Variants in ACACB observed in about 807,000 individuals in gnomAD.
ACACB encodes the protein acetyl-CoA carboxylase 2.
A neutral mutation model predicts 278.8 loss-of-function variants in ACACB; 209 were observed. That is an observed-to-expected ratio of 0.75 (90% CI 0.67 to 0.84). The LOEUF is 0.84. ACACB is among the 40% of genes least tolerant of loss of function. The pLI, the probability that ACACB is intolerant of heterozygous loss-of-function variation, is 0.00. For synonymous variants in ACACB, 1,174 were observed against 1,285.6 expected (o/e 0.91, Z 1.86); for missense variants, 2,850 against 3,269.0 (o/e 0.87, Z 3.13).
chr12:109,164,716 A>ATT (rs1565878406), intron 2 of ACACB, among the ~76,000 whole-genome samples: 25 of 97,182 alleles, frequency 2.6e-4, no homozygotes, highest in African/African-American at 7.9e-4. Context: ...AGCTAATTTA[A>ATT]ATTTTTTTTT....
intron 4 of ACACB, among the ~76,000 whole-genome samples, chr12:109,170,077 T>C (rs1252258121): frequency 6.6e-6 from 1 of 152,080 alleles, no homozygotes. Context: ...GTTCTCTGAC[T>C]TTGGCCTCAT....
Position 109,137,813 on chromosome 12 carries a change from G to C in ACACB, c.-9-1584G>C, listed in dbSNP as rs772646673. 2.4e-4 allele frequency among the ~76,000 whole-genome samples: 37 copies of C among 151,898 alleles called. 1 individual carries two copies. The highest frequency in any genetic ancestry group is 1.7e-3 in the Admixed American group (26 of 15,242). ...ATTTAAAAATTTTTTTTGAAATAGGGTCTCACTCTGTTGTCCAGGCTGGAG... is the reference window on the plus strand; with the variant it reads ...ATTTAAAAATTTTTTTTGAAATAGGCTCTCACTCTGTTGTCCAGGCTGGAG... On this transcript the variant is annotated intron_variant, in intron 1 of 52. Transcript: ENST00000338432.
rs753987065 is a variant in ACACB, at chr12:109,139,414, G to T, written c.9G>T (p.Leu3Phe). The change falls in exon 2 of 53, where the codon TTG becomes TTT. Residue 3 changes from leucine (L) to phenylalanine (F), a missense_variant. By Grantham distance (22) the Leu-to-Phe change is conservative. Coordinates refer to ENST00000338432, the MANE Select transcript of ACACB (RefSeq NM_001093.4). MV[L>F]LLCLSCLIFS... is the part of the protein sequence containing the mutation. ...CCTTACAGATTTTCTGAATGGTCTT[G>T]CTTCTTTGTCTATCTTGTCTGATTT... The T allele has an allele frequency of 2.5e-6, 4 of 1,612,158 alleles. No homozygotes were observed. The highest frequency in any genetic ancestry group is 3.4e-6 in the Non-Finnish European group (4 of 1,179,004).
intron 52 of ACACB, 60 bp downstream of exon 52, chr12:109,265,585 C>T: frequency 6.3e-7 from 1 of 1,578,044 alleles, no homozygotes; most frequent in Non-Finnish European, 8.6e-7. Context: ...CTGGATTGAC[C>T]CCTAGCTACC....
At chr12:109,242,248 T>G (rs2046820088) in intron 36 of ACACB, 189 bp from the exon 37 acceptor site, 2 of 585,966 alleles carry the variant, frequency 3.4e-6, no homozygotes, top group Admixed American at 3.1e-5. Context: ...GCCCCTGTTG[T>G]CCCTTCTTGT....
At chr12:109,244,365 T>G (rs954848685) in intron 37 of ACACB, among the ~76,000 whole-genome samples, 3 of 152,154 alleles carry the variant, frequency 2.0e-5, no homozygotes, top group African/African-American at 7.2e-5. Flanking sequence ...CCTTCACCTC[T>G]CTGGGCCTCA....
chr12:109,249,497 T>G (rs1011503073), intron 40 of ACACB: 1 of 152,210 alleles, frequency 6.6e-6, no homozygotes, highest in African/African-American at 2.4e-5. Context: ...TGTGATGATT[T>G]ATTTATTTAT....
At chr12:109,252,306 A>G (rs573988310) in intron 42 of ACACB, 150 bp downstream of exon 42, 45 of 538,200 alleles carry the variant, frequency 8.4e-5, no homozygotes, top group Middle Eastern at 3.6e-4. Context: ...ATTTGCAGCT[A>G]TCTGGGTCCT....
chr12:109,258,428 G>A, intron 46 of ACACB, 64 bp downstream of exon 46: 1 of 1,397,816 alleles, frequency 7.2e-7, no homozygotes, highest in South Asian at 1.2e-5. Flanking sequence ...TGGGTCCTGG[G>A]CGTGGGGGTC....
chr12:109,132,531 A>T (rs1202447975), intron 1 of ACACB, among the ~76,000 whole-genome samples: 1 of 152,158 alleles, frequency 6.6e-6, no homozygotes, highest in East Asian at 1.9e-4. Context: ...AAGACACTCC[A>T]CAAATTTGAT....
intron 19 of ACACB, among the ~76,000 whole-genome samples, chr12:109,205,579 A>G (rs1275277565): frequency 6.6e-6 from 1 of 151,906 alleles, no homozygotes; most frequent in Non-Finnish European, 1.5e-5. Flanking sequence ...CCTCTGGAGT[A>G]GCTCGGATTA....
chr12:109,252,205 C>A, intron 42 of ACACB, 49 bp downstream of exon 42: 1 of 1,288,036 alleles, frequency 7.8e-7, no homozygotes. Context: ...GGCCAGGAGT[C>A]ATTTTAACAT....
intron 28 of ACACB, among the ~76,000 whole-genome samples, 200 bp downstream of exon 28, chr12:109,227,689 A>G (rs1429048711): frequency 6.6e-6 from 1 of 152,196 alleles, no homozygotes; most frequent in African/African-American, 2.4e-5. Context: ...CCCACCTCCT[A>G]CACCTGCACT....
At chr12:109,170,345 G>C (rs2044069822) in intron 4 of ACACB, among the ~76,000 whole-genome samples, 1 of 152,136 alleles carries the variant, frequency 6.6e-6, no homozygotes, top group Admixed American at 6.6e-5. Flanking sequence ...GATTACAGGT[G>C]TCAGCCACCG....
chr12:109,188,441 C>A lies in ACACB; in HGVS notation c.2144+279C>A, dbSNP rs565332972. On this transcript the variant is annotated intron_variant, in intron 13 of 52. Coordinates refer to ENST00000338432, the MANE Select transcript of ACACB (RefSeq NM_001093.4). ...TCCTCCCGTCCTTCCTCCTCCCCTT[C>A]CCTTCTTTCCTCCCTTCCTCCCTCC... Among the ~76,000 whole-genome samples, 14 of 140,720 alleles carry A rather than the reference C, an allele frequency of 9.9e-5. No individual in the cohort carries two copies. The South Asian group carries it at 3.5e-3, about 35-fold the overall frequency. 92.3% of individuals were successfully genotyped at this position (140,720 alleles called of 152,430 possible).
chr12:109,165,273 A>G (rs1312564122), intron 2 of ACACB, among the ~76,000 whole-genome samples: 2 of 152,192 alleles, frequency 1.3e-5, no homozygotes, highest in Non-Finnish European at 2.9e-5. Flanking sequence ...GGCCTAGAGG[A>G]CAGCCAGTAC....
At chr12:109,257,074 G>C (rs561194494) in intron 45 of ACACB, among the ~76,000 whole-genome samples, 13 of 152,288 alleles carry the variant, frequency 8.5e-5, no homozygotes, top group African/African-American at 3.1e-4. Context: ...AGGAGTTCGA[G>C]ACCAGCCTGG....
At chr12:109,169,063 T>C (rs947419504) in intron 4 of ACACB, among the ~76,000 whole-genome samples, 4 of 144,134 alleles carry the variant, frequency 2.8e-5, no homozygotes, top group East Asian at 4.1e-4. Context: ...GAGAATTGCT[T>C]GAATCCAGGA....
intron 11 of ACACB, among the ~76,000 whole-genome samples, chr12:109,183,096 T>G (rs1333997761): frequency 6.6e-6 from 1 of 152,230 alleles, no homozygotes; most frequent in African/African-American, 2.4e-5. Flanking sequence ...ACTGTAGATG[T>G]ATGGATTTGT....
Sources: allele counts gnomAD v4.1 joint callset (sites outside exome capture counted in the v4.1 genomes callset), GRCh38; gene constraint gnomAD v4.1.1; transcripts MANE v1.5; gene names NCBI Gene and HGNC (gene_info 2026-07-23, HGNC 2026-07-21).